Variants in CADPS observed in about 807,000 individuals in gnomAD.
The protein encoded by CADPS is calcium dependent secretion activator, also known as calcium-dependent secretion activator 1.
CADPS carries 57 observed loss-of-function variants against 167.3 expected under a neutral mutation model. The ratio of observed to expected loss-of-function variants is 0.34; its 90% CI spans 0.28 to 0.42. The LOEUF (loss-of-function observed/expected upper bound fraction) is 0.42, where lower values mean the gene tolerates loss of function less well. CADPS is among the 20% of genes least tolerant of loss of function. The pLI, the probability that CADPS is intolerant of heterozygous loss-of-function variation, is 1.00. For synonymous variants in CADPS, 676 were observed against 635.3 expected (o/e 1.06, Z -0.96); for missense variants, 1,414 against 1,738.1 (o/e 0.81, Z 3.32).
At chr3:62,485,549 T>C (rs945892617) in intron 21 of CADPS, among the ~76,000 whole-genome samples, 1 of 150,666 alleles carries the variant, frequency 6.6e-6, no homozygotes, top group East Asian at 2.0e-4. Flanking sequence ...TCCTTTTTCA[T>C]GATAATTTTG....
At position 62,729,112 on chromosome 3, in the gene CADPS, G is replaced by A. The variant is rs772016308; in HGVS notation, c.888+24329C>T. ...GCCTTAGCATCTGGATCTACTTCAA[G>A]TGGGGTGGTGACAGCATCCAAAAGG... On this transcript the variant is annotated intron_variant, in intron 3 of 29. Transcript: ENST00000383710. Among the ~76,000 whole-genome samples, 5 of 151,922 alleles carry A rather than the reference G, an allele frequency of 3.3e-5. 1 individual carries two copies. Among genetic ancestry groups the A allele is most frequent in the African/African-American group, 1.2e-4 (5 of 41,184 alleles).
chr3:62,732,418 C>G (rs1575600150), intron 3 of CADPS, among the ~76,000 whole-genome samples: 1 of 152,248 alleles, frequency 6.6e-6, no homozygotes, highest in East Asian at 1.9e-4. Flanking sequence ...GCTATAGATC[C>G]AGCCCTAGTT....
intron 3 of CADPS, among the ~76,000 whole-genome samples, chr3:62,725,198 G>A (rs2076519485): frequency 6.6e-6 from 1 of 152,160 alleles, no homozygotes; most frequent in Non-Finnish European, 1.5e-5. Context: ...CGAATGATGG[G>A]AATAGTCCAC....
chr3:62,551,467 C>T (rs1381440225), intron 10 of CADPS, among the ~76,000 whole-genome samples: 1 of 152,150 alleles, frequency 6.6e-6, no homozygotes, highest in Admixed American at 6.5e-5. Context: ...GACCTGTCTG[C>T]CTCCATCCTC....
At chr3:62,513,733 G>A (rs769033190) in intron 16 of CADPS, 27 of 1,489,480 alleles carry the variant, frequency 1.8e-5, no homozygotes, top group Non-Finnish European at 2.4e-5. Context: ...GGGCATGCAA[G>A]AGGCTTAGGT....
chr3:62,589,102 C>G (rs2085340427), intron 7 of CADPS, among the ~76,000 whole-genome samples: 1 of 151,944 alleles, frequency 6.6e-6, no homozygotes, highest in Non-Finnish European at 1.5e-5. Flanking sequence ...TTATTAAAAA[C>G]AAAACATAAC....
rs147215005 is a variant in CADPS, at chr3:62,683,223, G to A, written c.889-20829C>T. On this transcript the variant is annotated intron_variant, in intron 3 of 29. Coordinates refer to ENST00000383710, the MANE Select transcript of CADPS (RefSeq NM_003716.4). ...GAAAAATTTAAAGCTAGAGATTAGG[G>A]TGAGACATATTGGGAGGAGGGATGA... 6.1e-4 allele frequency among the ~76,000 whole-genome samples: 93 copies of A among 152,050 alleles called. 1 individual carries two copies. The East Asian group carries it at 0.01, about 17-fold the overall frequency.
At chr3:62,402,093 T>G (rs1706457417) in intron 29 of CADPS, among the ~76,000 whole-genome samples, 2 of 152,170 alleles carry the variant, frequency 1.3e-5, no homozygotes, top group African/African-American at 2.4e-5. Flanking sequence ...CTATAACCTT[T>G]CCCGGGTGGA....
chr3:62,597,289 G>A (rs2059069538), intron 6 of CADPS, among the ~76,000 whole-genome samples: 1 of 152,184 alleles, frequency 6.6e-6, no homozygotes, highest in Non-Finnish European at 1.5e-5. Context: ...TGAGGTTACT[G>A]TGAGCTATGA....
intron 24 of CADPS, among the ~76,000 whole-genome samples, chr3:62,466,891 C>A (rs1264157401): frequency 1.3e-5 from 2 of 152,144 alleles, no homozygotes; most frequent in Non-Finnish European, 2.9e-5. Context: ...CCCTCAGGTT[C>A]TTTGGGTTAA....
intron 8 of CADPS, among the ~76,000 whole-genome samples, chr3:62,584,826 G>A (rs1365963064): frequency 3.3e-5 from 5 of 152,212 alleles, no homozygotes; most frequent in Non-Finnish European, 7.3e-5. Context: ...TGATTGAGGT[G>A]CAAGTGAGTC....
At chr3:62,779,944 A>G (rs2091230218) in intron 1 of CADPS, among the ~76,000 whole-genome samples, 1 of 152,240 alleles carries the variant, frequency 6.6e-6, no homozygotes, top group Non-Finnish European at 1.5e-5. Flanking sequence ...TTAGGTTGTC[A>G]TTTGATGCAG....
intron 3 of CADPS, among the ~76,000 whole-genome samples, chr3:62,675,006 C>A (rs938437617): frequency 1.3e-5 from 2 of 151,900 alleles, no homozygotes; most frequent in Admixed American, 6.6e-5. Flanking sequence ...AGAAGTTAAC[C>A]TTGAAATCTC....
chr3:62,613,698 A>G (rs2061828591), intron 6 of CADPS, among the ~76,000 whole-genome samples: 2 of 152,348 alleles, frequency 1.3e-5, no homozygotes, highest in East Asian at 1.9e-4. Context: ...GATAACCAAG[A>G]TAATCTCAAA....
At position 62,463,300 on chromosome 3, in the gene CADPS, A is replaced by C. The variant is rs7622683; in HGVS notation, c.3636+2067T>G. Among the ~76,000 whole-genome samples, 1,446 of 152,244 alleles carry C rather than the reference A, an allele frequency of 9.5e-3. 22 individuals are homozygous for C. Among genetic ancestry groups the C allele is most frequent in the African/African-American group, 0.032 (1,345 of 41,516 alleles). Reference sequence around the variant, plus strand: ...GTGGATTGAATTCTGCTCAGTAAAGAGTAGAGGAGCTTTCCTGAGTTTCAC... The same window carrying C: ...GTGGATTGAATTCTGCTCAGTAAAGCGTAGAGGAGCTTTCCTGAGTTTCAC... On this transcript the variant is annotated intron_variant, in intron 26 of 29. Coordinates refer to ENST00000383710, the MANE Select transcript of CADPS (RefSeq NM_003716.4).
chr3:62,540,384 T>A (rs550625227), intron 11 of CADPS, among the ~76,000 whole-genome samples: 1 of 152,256 alleles, frequency 6.6e-6, no homozygotes, highest in East Asian at 1.9e-4. Flanking sequence ...AAGTTTCTAA[T>A]CTGTTATTTC....
chr3:62,639,322 C>T (rs553776334), intron 6 of CADPS, among the ~76,000 whole-genome samples: 10 of 152,296 alleles, frequency 6.6e-5, no homozygotes, highest in Admixed American at 5.2e-4. Flanking sequence ...TCCACGTTCT[C>T]GCTACATAAT....
At position 62,874,556 on chromosome 3, in the gene CADPS, G is replaced by A. The variant is rs899309172; in HGVS notation, c.441+33C>T. ...ACCCCGCCCGCCTGGCGACGTCCGGGTGCTGCTCCCTGGGCCTCCCAGGCG... is the reference window on the plus strand; with the variant it reads ...ACCCCGCCCGCCTGGCGACGTCCGGATGCTGCTCCCTGGGCCTCCCAGGCG... On this transcript the variant is annotated intron_variant, in intron 1 of 29. Transcript: ENST00000383710. This position sits in a 1 kb window ranked among gnomAD's most constrained non-coding sequence, Gnocchi z 7.1. 8 of 1,507,586 alleles carry A rather than the reference G, an allele frequency of 5.3e-6. No homozygotes were observed. The highest frequency in any genetic ancestry group is 1.2e-5 in the South Asian group (1 of 82,356). The allele number at this position is 1,507,586 out of a possible 1,614,324, so 93.4% of individuals were successfully genotyped here.
intron 6 of CADPS, among the ~76,000 whole-genome samples, chr3:62,645,259 C>A (rs2068295926): frequency 6.6e-6 from 1 of 151,972 alleles, no homozygotes; most frequent in South Asian, 2.1e-4. Context: ...ATATATTGCT[C>A]GGGTGATGAC....
Sources: gnomAD v4.1 joint callset for allele counts (sites outside exome capture counted in the v4.1 genomes callset) on GRCh38, gnomAD v4.1.1 for gene constraint, Gnocchi (gnomAD v3.1) non-coding constraint, MANE v1.5 for transcripts, NCBI Gene and HGNC (gene_info 2026-07-23, HGNC 2026-07-21) for gene names.